The following PLXNB3 variants were observed in gnomAD, a reference collection of about 807,000 sequenced individuals.
PLXNB3 encodes the protein plexin-B3.
PLXNB3 carries 80 observed loss-of-function variants against 125.7 expected under a neutral mutation model. The observed-to-expected ratio is 0.64, with a 90% CI of 0.53 to 0.77. The LOEUF (loss-of-function observed/expected upper bound fraction) is 0.77. Ranked by LOEUF, PLXNB3 falls within the 30% of genes least tolerant of loss-of-function variation. The probability of loss-of-function intolerance (pLI) is 0.00; values close to 1 mark genes in which losing one functional copy is unlikely to be tolerated. For synonymous variants in PLXNB3, 954 were observed against 783.3 expected (o/e 1.22, Z -3.64); for missense variants, 1,836 against 1,729.3 (o/e 1.06, Z -1.09).
Position 153,775,230 on chromosome X carries a change from C to G in PLXNB3, c.4161C>G (p.Ile1387Met), listed in dbSNP as rs1557063647. 8.5e-7 allele frequency: 1 copy of G among 1,182,213 alleles called. No homozygotes were observed. The highest frequency in any genetic ancestry group is 1.1e-6 in the Non-Finnish European group (1 of 880,740). ...LNSKLFLLTL[I>M]HTLEEQPSFS... Reference sequence around the variant, plus strand: ...AGCCTCCGACCCCTGCTCAGCTCATCCACACCCTGGAGGAGCAGCCCAGCT... The same window carrying G: ...AGCCTCCGACCCCTGCTCAGCTCATGCACACCCTGGAGGAGCAGCCCAGCT... The change falls in exon 25 of 36, where the codon ATC becomes ATG. Residue 1387 changes from isoleucine (I) to methionine (M), a missense_variant. Ile to Met is a conservative substitution (Grantham distance 10). Coordinates refer to ENST00000361971, the MANE Select transcript of PLXNB3 (RefSeq NM_005393.3).
rs782372087 is a variant in PLXNB3 at position 153,770,242 on chromosome X, G to A, written c.1780G>A (p.Gly594Ser). The A allele has an allele frequency of 8.3e-7, 1 of 1,210,760 alleles. No homozygotes were observed. Among genetic ancestry groups the A allele is most frequent in the South Asian group, 1.8e-5 (1 of 56,990 alleles). The change falls in exon 8 of 36, where the codon GGC (glycine) becomes AGC (serine). Residue 594 changes from glycine (G) to serine (S), a missense_variant. Coordinates refer to ENST00000361971, the MANE Select transcript of PLXNB3 (RefSeq NM_005393.3). Reference protein sequence around the residue: ...PQDQVPLNPPGTDHVTVPLAL... With the variant: ...PQDQVPLNPPSTDHVTVPLAL... ...AGACCAGGTGCCACTTAACCCTCCA[G>A]GCACAGGTGAGTGGCCCATGGGGTA...
rs199908902 is a variant in PLXNB3, at chrX:153,770,767, C to G, written c.2020C>G (p.Gln674Glu). 8.2e-5 allele frequency: 99 copies of G among 1,204,470 alleles called. No homozygotes were observed. The highest frequency in any genetic ancestry group is 1.1e-4 in the Non-Finnish European group (97 of 890,753). The stretch of plus-strand genomic sequence containing the variant: ...GCTCTTGTTTTCCCAGGTGGACATC[C>G]AGGTGCGTGGCCCAGGGGCTTGCCC... ...TIYSAQEVDI[Q>E]VRGPGACPQV... is the part of the protein sequence containing the mutation. Residue 674 changes from glutamine (Q) to glutamate (E), a missense_variant, in exon 11 of 36, where the codon CAG becomes GAG. By Grantham distance (29) the Gln-to-Glu change is conservative. Coordinates refer to ENST00000361971, the MANE Select transcript of PLXNB3 (RefSeq NM_005393.3).
At chrX:153,773,154 C>A (rs1557062606) in intron 17 of PLXNB3, 76 bp from the exon 18 acceptor site, 5 of 1,103,605 alleles carry the variant, frequency 4.5e-6, no homozygotes, top group Non-Finnish European at 6.0e-6. Flanking sequence ...CAGGGCTTCT[C>A]CTACGGGGGT....
chrX:153,774,619 G>C (rs782706338), intron 22 of PLXNB3, 48 bp downstream of exon 22: 1 of 1,163,288 alleles, frequency 8.6e-7, no homozygotes, highest in African/African-American at 1.8e-5. Flanking sequence ...CCATTGGCAA[G>C]GGCGCCCTGG....
Position 153,779,035 on chromosome X carries a change from T to A in PLXNB3, c.5726T>A (p.Leu1909Gln). The A allele has an allele frequency of 6.0e-6, 7 of 1,167,780 alleles. No individual in the cohort carries two copies. The highest frequency in any genetic ancestry group is 8.1e-6 in the Non-Finnish European group (7 of 868,581). ...AALVENKVTD[L>Q] ...CTGGTGGAAAACAAAGTGACTGACC[T>A]GTGAGCTCTGGCTCAGACAGCAGCA... is the stretch of plus-strand genomic sequence containing the variant. Residue 1909 changes from leucine to glutamine, a missense_variant, in exon 36 of 36, where the codon CTG becomes CAG. Leu to Gln is a moderately radical substitution (Grantham distance 113). Transcript: ENST00000361971.
In PLXNB3 at chrX:153,768,332, G is replaced by T. The variant is rs782136574; in HGVS notation, c.1170G>T (p.Leu390=). 2 of 1,209,825 alleles carry T rather than the reference G, an allele frequency of 1.7e-6. No homozygotes were observed. Among genetic ancestry groups the T allele is most frequent in the African/African-American group, 3.5e-5 (2 of 57,735 alleles). ...GCCAGCCCCTGGAGGTCCAGCCTCTGCTGAAGCTCGGGCAGCCGGTCAGCG... is the reference window on the plus strand; with the variant it reads ...GCCAGCCCCTGGAGGTCCAGCCTCTTCTGAAGCTCGGGCAGCCGGTCAGCG... ...AGRQPLEVQP[L]LKLGQPVSAV... is the part of the protein sequence containing the mutation. Residue 390 remains leucine (L), a synonymous_variant, in exon 4 of 36, where the codon CTG becomes CTT. Transcript: ENST00000361971.
chrX:153,768,769 C>G (rs1351949877), intron 4 of PLXNB3, among the ~76,000 whole-genome samples, 179 bp from the exon 5 acceptor site: 1 of 112,236 alleles, frequency 8.9e-6, no homozygotes, highest in African/African-American at 3.2e-5. Flanking sequence ...GTCATGGTTC[C>G]CTGGAGAGTG....
At position 153,770,464 on chromosome X, in the gene PLXNB3, C is replaced by T. The variant is rs181169035; in HGVS notation, c.1895+18C>T. 10 of 1,199,416 alleles carry T rather than the reference C, an allele frequency of 8.3e-6. 1 individual carries two copies. In the Admixed American group the frequency reaches 2.2e-4, roughly 26 times the overall value. On this transcript the variant is annotated intron_variant, in intron 9 of 35. Coordinates refer to ENST00000361971, the MANE Select transcript of PLXNB3 (RefSeq NM_005393.3). ...GCTGCCCCGTGAGTCCCTGGGCCTGCCTCCTGGGGTAGGGGTGGCGACCCC... is the reference window on the plus strand; with the variant it reads ...GCTGCCCCGTGAGTCCCTGGGCCTGTCTCCTGGGGTAGGGGTGGCGACCCC...
chrX:153,769,290 G>C (rs1410696010), intron 6 of PLXNB3, 28 bp downstream of exon 6: 6 of 1,080,709 alleles, frequency 5.6e-6, no homozygotes, highest in East Asian at 3.3e-5. Flanking sequence ...GCCTAGGCTA[G>C]GGCCAACGGG....
rs781829694 is a variant in PLXNB3 at position 153,776,330 on chromosome X, C to T, written c.4730-26C>T. Reference sequence around the variant, plus strand: ...TGGGGCGTGGAGAGCAGGCTGTAGACTATCTGCTTCCCTGACTCCCTCCAG... The same window carrying T: ...TGGGGCGTGGAGAGCAGGCTGTAGATTATCTGCTTCCCTGACTCCCTCCAG... On this transcript the variant is annotated intron_variant, in intron 27 of 35. Coordinates refer to ENST00000361971, the MANE Select transcript of PLXNB3 (RefSeq NM_005393.3). The T allele has an allele frequency of 7.1e-6, 8 of 1,123,309 alleles. No homozygotes were observed. In the East Asian group the frequency reaches 2.4e-4, roughly 34 times the overall value. The allele number at this position is 1,123,309 out of a possible 1,213,427, so 92.6% of individuals were successfully genotyped here. A position where few individuals can be genotyped will look rare whatever the true frequency, so the allele number is the denominator to read the frequency against.
intron 16 of PLXNB3, 186 bp from the exon 17 acceptor site, chrX:153,772,700 G>T: frequency 9.7e-7 from 1 of 1,027,007 alleles, no homozygotes; most frequent in East Asian, 3.8e-5. Context: ...ATGCGGCAGG[G>T]GTGGGTGGGA....
In PLXNB3 at chrX:153,778,832, T is replaced by C. The variant is rs1171838700; in HGVS notation, c.5626-103T>C. ...CCCCAGGGAGACGCCAGGCAGCCCC[T>C]GCTGGATCCCCAGGCTCCTGCGGTG... On this transcript the variant is annotated intron_variant, in intron 35 of 35. Coordinates refer to ENST00000361971, the MANE Select transcript of PLXNB3 (RefSeq NM_005393.3). 4 of 1,108,467 alleles carry C rather than the reference T, an allele frequency of 3.6e-6. No homozygotes were observed. In the African/African-American group the frequency reaches 5.5e-5, roughly 15 times the overall value. 91.4% of individuals were successfully genotyped at this position (1,108,467 alleles called of 1,213,427 possible).
Position 153,775,649 on chromosome X carries a change from G to A in PLXNB3, c.4390G>A (p.Ala1464Thr), listed in dbSNP as rs782351638. Reference protein sequence around the residue: ...LTNWLSICLYAFLREVAGEPL... With the variant: ...LTNWLSICLYTFLREVAGEPL... ...CAACTGGCTGTCCATCTGCCTGTAC[G>A]CCTTCCTGAGGGTGAGGGGCACTGT... is the stretch of plus-strand genomic sequence containing the variant. Residue 1464 changes from alanine (A) to threonine (T), a missense_variant, in exon 26 of 36, where the codon GCC becomes ACC. Transcript: ENST00000361971. The A allele has an allele frequency of 2.2e-5, 26 of 1,208,300 alleles. No individual in the cohort carries two copies. Among genetic ancestry groups the A allele is most frequent in the Admixed American group, 2.0e-4 (9 of 45,966 alleles).
chrX:153,771,014 G>C lies in PLXNB3; in HGVS notation c.2186G>C (p.Arg729Pro). Residue 729 changes from arginine (R) to proline (P), a missense_variant, in exon 12 of 36, where the codon CGG becomes CCG. Arg to Pro is a moderately radical substitution (Grantham distance 103). Transcript: ENST00000361971. Reference sequence around the variant, plus strand: ...TGGCTGGAGCTGCCTGGAGAACTTCGGGGACTGCCGGCCACCCTGGAGGAG... The same window carrying C: ...TGGCTGGAGCTGCCTGGAGAACTTCCGGGACTGCCGGCCACCCTGGAGGAG... ...HCWLELPGEL[R>P]GLPATLEETA... The C allele has an allele frequency of 8.3e-7, 1 of 1,210,579 alleles. No homozygotes were observed. The highest frequency in any genetic ancestry group is 1.8e-5 in the South Asian group (1 of 56,983).
At position 153,777,316 on chromosome X, in the gene PLXNB3, AGC is replaced by A; in HGVS notation, c.5040_5041del (p.Glu1681AlafsTer49). 8.3e-7 allele frequency: 1 copy of A among 1,206,049 alleles called. No homozygotes were observed. ...AAGGTGCGGTGCAGCAGCCTGCGGG[AGC>A]GCGAGCCAGCAAGGGCCAAGGCCAT... is the stretch of plus-strand genomic sequence containing the variant. On this transcript the variant is annotated frameshift_variant, in exon 30 of 36. Transcript: ENST00000361971. LOFTEE classifies it high-confidence loss of function.
At chrX:153,766,502 C>T in intron 2 of PLXNB3, 7 of 1,045,101 alleles carry the variant, frequency 6.7e-6, no homozygotes, top group Non-Finnish European at 8.5e-6. Flanking sequence ...ATCCCTGCCC[C>T]CTCTGTGACT....
Position 153,769,848 on chromosome X carries a change from A to G in PLXNB3, c.1538A>G (p.Asn513Ser). ...KGQCGRAGQL[N>S]QWLWSYEEDS... ...CAGTGCGGGCGGGCAGGCCAGCTGAACCAGTGGCTGTGGAGTTATGAGGAG... is the reference window on the plus strand; with the variant it reads ...CAGTGCGGGCGGGCAGGCCAGCTGAGCCAGTGGCTGTGGAGTTATGAGGAG... The change falls in exon 7 of 36, where the codon AAC becomes AGC. Residue 513 changes from asparagine to serine, a missense_variant. Physicochemically the swap from Asn to Ser is conservative, Grantham distance 46. Coordinates refer to ENST00000361971, the MANE Select transcript of PLXNB3 (RefSeq NM_005393.3). 1.7e-6 allele frequency: 2 copies of G among 1,205,952 alleles called. No individual in the cohort carries two copies. Among genetic ancestry groups the G allele is most frequent in the Non-Finnish European group, 1.1e-6 (1 of 893,444 alleles).
In PLXNB3 at chrX:153,766,588, G is replaced by C. The variant is rs111409994; in HGVS notation, c.46-285G>C. 17 of 1,047,411 alleles carry C rather than the reference G, an allele frequency of 1.6e-5. No individual in the cohort carries two copies. The African/African-American group carries it at 3.1e-4, about 19-fold the overall frequency. 86.3% of individuals were successfully genotyped at this position (1,047,411 alleles called of 1,213,427 possible). On this transcript the variant is annotated intron_variant, in intron 2 of 35. Coordinates refer to ENST00000361971, the MANE Select transcript of PLXNB3 (RefSeq NM_005393.3). The stretch of plus-strand genomic sequence containing the variant: ...CAACAATCTACATGCATATAAAGTA[G>C]GAGATGAAAGAATTCTGTCCTTGTG...
chrX:153,772,288 G>A lies in PLXNB3; in HGVS notation c.2775+1G>A, dbSNP rs955176059. On this transcript the variant is annotated splice_donor_variant, in intron 16 of 35. Coordinates refer to ENST00000361971, the MANE Select transcript of PLXNB3 (RefSeq NM_005393.3). LOFTEE classifies it high-confidence loss of function. ...CTCAAGCCAGCACTTCACCTACCAGGTCAGTGGCCTCCCAGGTGTGCCCTA... is the reference window on the plus strand; with the variant it reads ...CTCAAGCCAGCACTTCACCTACCAGATCAGTGGCCTCCCAGGTGTGCCCTA... 8.5e-7 allele frequency: 1 copy of A among 1,178,964 alleles called. No homozygotes were observed. The highest frequency in any genetic ancestry group is 2.2e-5 in the Admixed American group (1 of 45,498).
Sources: gnomAD v4.1 joint callset for allele counts (sites outside exome capture counted in the v4.1 genomes callset) on GRCh38, gnomAD v4.1.1 for gene constraint, MANE v1.5 for transcripts, NCBI Gene and HGNC (gene_info 2026-07-23, HGNC 2026-07-21) for gene names.